The following NDUFB4 variants were observed in gnomAD, a reference collection of about 807,000 sequenced individuals.
The protein encoded by NDUFB4 is NADH:ubiquinone oxidoreductase subunit B4.
In NDUFB4, 10 loss-of-function variants were observed where a neutral mutation model predicts 14.5. That is an observed-to-expected ratio of 0.69 (90% CI 0.43 to 1.17). The LOEUF is 1.17. NDUFB4 is among the 50% of genes most tolerant of loss of function. The pLI, the probability that NDUFB4 is intolerant of heterozygous loss-of-function variation, is 0.00. For synonymous variants in NDUFB4, 65 were observed against 63.4 expected, an observed-to-expected ratio of 1.03 and a Z score of -0.12; for missense variants, 165 against 161.1, an observed-to-expected ratio of 1.02 and a Z score of -0.13.
intron 1 of NDUFB4, chr3:120,600,818 C>T (rs1035120153): frequency 1.3e-5 from 4 of 316,098 alleles, no homozygotes; most frequent in Admixed American, 4.9e-5. Flanking sequence ...GCTTCTCTGA[C>T]AGTTAGATTA....
chr3:120,602,016 C>T, intron 2 of NDUFB4, 192 bp from the exon 3 acceptor site: 1 of 1,336,212 alleles, frequency 7.5e-7, no homozygotes, highest in African/African-American at 1.5e-5. Context: ...ATTACTGTTT[C>T]TTCGCACACT....
rs558471189 is a variant in NDUFB4, at chr3:120,602,351, A to T, written c.*81A>T. On this transcript the variant is annotated 3_prime_UTR_variant, in exon 3 of 3. Coordinates refer to ENST00000184266, the MANE Select transcript of NDUFB4 (RefSeq NM_004547.6). ...TAAGTAGTAGTTTCTCTTTCTTAGTATTACCTTGATTCAATGTTAAAAACT... is the reference window on the plus strand; with the variant it reads ...TAAGTAGTAGTTTCTCTTTCTTAGTTTTACCTTGATTCAATGTTAAAAACT... 6.6e-5 allele frequency: 86 copies of T among 1,309,788 alleles called. No homozygotes were observed. Among genetic ancestry groups the T allele is most frequent in the Non-Finnish European group, 9.1e-5 (85 of 935,636 alleles). The allele number at this position is 1,309,788 out of a possible 1,614,324, so 81.1% of individuals were successfully genotyped here.
intron 1 of NDUFB4, among the ~76,000 whole-genome samples, chr3:120,599,279 A>T (rs1576272138): frequency 6.6e-6 from 1 of 152,160 alleles, no homozygotes; most frequent in East Asian, 1.9e-4. Context: ...CGTATGTCAG[A>T]GTTCAGCAGT....
intron 1 of NDUFB4, among the ~76,000 whole-genome samples, chr3:120,598,905 TAAC>T (rs1302305277): frequency 6.6e-6 from 1 of 152,158 alleles, no homozygotes; most frequent in Admixed American, 6.5e-5. Context: ...GATCTGGACT[TAAC>T]AATTTCTCTG....
intron 2 of NDUFB4, 100 bp downstream of exon 2, chr3:120,601,357 C>T: frequency 6.4e-7 from 1 of 1,568,674 alleles, no homozygotes; most frequent in South Asian, 1.2e-5. Context: ...AGTGCCCCTC[C>T]CACCTTGGGG....
Position 120,602,315 on chromosome 3 carries a change from C to A in NDUFB4, c.*45C>A. On this transcript the variant is annotated 3_prime_UTR_variant, in exon 3 of 3. Coordinates refer to ENST00000184266, the MANE Select transcript of NDUFB4 (RefSeq NM_004547.6). Reference sequence around the variant, plus strand: ...ATGTATTCCTGCCTAAATAAATCATCTATTAATCATTAAGTAGTAGTTTCT... The same window carrying A: ...ATGTATTCCTGCCTAAATAAATCATATATTAATCATTAAGTAGTAGTTTCT... The A allele has an allele frequency of 3.3e-6, 5 of 1,496,062 alleles. No individual in the cohort carries two copies. Among genetic ancestry groups the A allele is most frequent in the Non-Finnish European group, 4.6e-6 (5 of 1,089,122 alleles). The allele number at this position is 1,496,062 out of a possible 1,614,324, so 92.7% of individuals were successfully genotyped here.
At position 120,601,550 on chromosome 3, in the gene NDUFB4, G is replaced by C. The variant is rs765914659; in HGVS notation, c.327+293G>C. 4 of 1,224,452 alleles carry C rather than the reference G, an allele frequency of 3.3e-6. No homozygotes were observed. In the African/African-American group the frequency reaches 4.7e-5, roughly 14 times the overall value. 75.8% of individuals were successfully genotyped at this position (1,224,452 alleles called of 1,614,324 possible). A position where few individuals can be genotyped will look rare whatever the true frequency, so the allele number is the denominator to read the frequency against. ...ATCATTTAGTACGTTTCCTGTTTGCGTGAATTCTATTTATGTTGGTCACAT... is the reference window on the plus strand; with the variant it reads ...ATCATTTAGTACGTTTCCTGTTTGCCTGAATTCTATTTATGTTGGTCACAT... On this transcript the variant is annotated intron_variant, in intron 2 of 2. Transcript: ENST00000184266.
chr3:120,600,136 T>TTGAGACGG (rs1940033853), intron 1 of NDUFB4, among the ~76,000 whole-genome samples: 39 of 144,932 alleles, frequency 2.7e-4, no homozygotes, highest in East Asian at 1.5e-3. Flanking sequence ...TTTTTTTTTT[T>TTGAGACGG]AAACTTCTGA....
At chr3:120,598,966 G>T (rs1255023879) in intron 1 of NDUFB4, among the ~76,000 whole-genome samples, 1 of 152,168 alleles carries the variant, frequency 6.6e-6, no homozygotes, top group African/African-American at 2.4e-5. Flanking sequence ...GGATCAGGGA[G>T]ACTAGGAGGC....
At chr3:120,599,114 C>T (rs1940015278) in intron 1 of NDUFB4, among the ~76,000 whole-genome samples, 1 of 152,088 alleles carries the variant, frequency 6.6e-6, no homozygotes, top group Non-Finnish European at 1.5e-5. Context: ...AAAGAGGAGT[C>T]AAGGATGACT....
intron 2 of NDUFB4, chr3:120,601,960 T>G (rs1559774207): frequency 2.4e-6 from 3 of 1,237,928 alleles, no homozygotes. Flanking sequence ...GTGAGTAAGA[T>G]GTTTTTGAAT....
Position 120,601,097 on chromosome 3 carries a change from T to A in NDUFB4, c.181-14T>A, listed in dbSNP as rs757771046. The A allele has an allele frequency of 6.3e-7, 1 of 1,596,624 alleles. No individual in the cohort carries two copies. The highest frequency in any genetic ancestry group is 8.5e-7 in the Non-Finnish European group (1 of 1,174,348). On this transcript the variant is annotated splice_polypyrimidine_tract_variant and intron_variant, in intron 1 of 2. Transcript: ENST00000184266. ...TTCTTAAGTTCTATAACTTTTTGTTTTCATTAATTTTAGGAAAATCCTGCC... is the reference window on the plus strand; with the variant it reads ...TTCTTAAGTTCTATAACTTTTTGTTATCATTAATTTTAGGAAAATCCTGCC...
rs906503859 is a variant in NDUFB4 at position 120,600,047 on chromosome 3, G to A, written c.181-1064G>A. ...TTTGGGACTTTGTATCTAGTAGTGA[G>A]TGCTTACACCGTTGAGGAATTTCAG... On this transcript the variant is annotated intron_variant, in intron 1 of 2. Coordinates refer to ENST00000184266, the MANE Select transcript of NDUFB4 (RefSeq NM_004547.6). 2.0e-5 allele frequency among the ~76,000 whole-genome samples: 3 copies of A among 149,608 alleles called. No homozygotes were observed. In the Admixed American group the frequency reaches 2.0e-4, roughly 10 times the overall value.
intron 1 of NDUFB4, among the ~76,000 whole-genome samples, chr3:120,600,557 A>T (rs552631092): frequency 6.6e-6 from 1 of 152,366 alleles, no homozygotes; most frequent in East Asian, 1.9e-4. Flanking sequence ...ACACTAGGTC[A>T]GCTTAAAAAA....
chr3:120,601,149 A>G lies in NDUFB4; in HGVS notation c.219A>G (p.Thr73=), dbSNP rs1406335331. 5 of 1,613,990 alleles carry G rather than the reference A, an allele frequency of 3.1e-6. No homozygotes were observed. The highest frequency in any genetic ancestry group is 4.2e-6 in the Non-Finnish European group (5 of 1,179,988). The change falls in exon 2 of 3, where the codon ACA becomes ACG. Residue 73 remains threonine (T), a synonymous_variant. Coordinates refer to ENST00000184266, the MANE Select transcript of NDUFB4 (RefSeq NM_004547.6). ...PALLRWAYAR[T]INVYPNFRPT... is the part of the protein sequence containing the mutation. Reference sequence around the variant, plus strand: ...TGCTTCGTTGGGCCTATGCAAGAACAATAAATGTCTATCCTAATTTCAGAC... The same window carrying G: ...TGCTTCGTTGGGCCTATGCAAGAACGATAAATGTCTATCCTAATTTCAGAC...
rs772275779 is a variant in NDUFB4 at position 120,602,315 on chromosome 3, C to T, written c.*45C>T. 2.2e-5 allele frequency: 33 copies of T among 1,495,946 alleles called. No homozygotes were observed. In the African/African-American group the frequency reaches 4.5e-4, roughly 20 times the overall value. 92.7% of individuals were successfully genotyped at this position (1,495,946 alleles called of 1,614,324 possible). A position where few individuals can be genotyped will look rare whatever the true frequency, so the allele number is the denominator to read the frequency against. ...ATGTATTCCTGCCTAAATAAATCAT[C>T]TATTAATCATTAAGTAGTAGTTTCT... On this transcript the variant is annotated 3_prime_UTR_variant, in exon 3 of 3. Coordinates refer to ENST00000184266, the MANE Select transcript of NDUFB4 (RefSeq NM_004547.6).
Position 120,596,515 on chromosome 3 carries a change from C to A in NDUFB4, c.156C>A (p.Asn52Lys), listed in dbSNP as rs1412046600. 1 of 1,613,590 alleles carries A rather than the reference C, an allele frequency of 6.2e-7. No homozygotes were observed. Among genetic ancestry groups the A allele is most frequent in the Non-Finnish European group, 8.5e-7 (1 of 1,179,812 alleles). Residue 52 changes from asparagine (N) to lysine (K), a missense_variant, in exon 1 of 3, where the codon AAC becomes AAA. By Grantham distance (94) the Asn-to-Lys change is moderately conservative. Transcript: ENST00000184266. ...AACGAGAGTACCTGCTTCAGTACAACGATCCCAACCGCCGAGGGCTCATCG... is the reference window on the plus strand; with the variant it reads ...AACGAGAGTACCTGCTTCAGTACAAAGATCCCAACCGCCGAGGGCTCATCG... ...QLKREYLLQY[N>K]DPNRRGLIEN...
At chr3:120,597,409 A>G (rs1340655902) in intron 1 of NDUFB4, among the ~76,000 whole-genome samples, 1 of 152,248 alleles carries the variant, frequency 6.6e-6, no homozygotes, top group East Asian at 1.9e-4. Context: ...TGCTTTCATT[A>G]GGTAGTTTTC....
chr3:120,598,094 C>G (rs908041925), intron 1 of NDUFB4, among the ~76,000 whole-genome samples: 1 of 151,426 alleles, frequency 6.6e-6, no homozygotes, highest in African/African-American at 2.4e-5. Context: ...ACTCTGTCAC[C>G]CAGGCTGGAG....
Sources: gnomAD v4.1 joint callset for allele counts (sites outside exome capture counted in the v4.1 genomes callset) on GRCh38, gnomAD v4.1.1 for gene constraint, MANE v1.5 for transcripts, NCBI Gene and HGNC (gene_info 2026-07-23, HGNC 2026-07-21) for gene names.